The following RTTN variants were observed in gnomAD, a reference collection of about 807,000 sequenced individuals.
RTTN encodes the protein rotatin.
In RTTN, 182 loss-of-function variants were observed where a neutral mutation model predicts 269.2. That is an observed-to-expected ratio of 0.68 (90% CI 0.60 to 0.76). The LOEUF (loss-of-function observed/expected upper bound fraction) is 0.76, where lower values mean the gene tolerates loss of function less well. Ranked by LOEUF, RTTN falls within the 30% of genes least tolerant of loss-of-function variation. The probability of loss-of-function intolerance (pLI) is 0.00; values close to 1 mark genes in which losing one functional copy is unlikely to be tolerated. For synonymous variants in RTTN, 1,006 were observed against 963.5 expected, an observed-to-expected ratio of 1.04 and a Z score of -0.82; for missense variants, 2,545 against 2,608.6, an observed-to-expected ratio of 0.98 and a Z score of 0.53.
chr18:70,065,595 C>G (rs2058111186), intron 35 of RTTN, among the ~76,000 whole-genome samples: 1 of 152,150 alleles, frequency 6.6e-6, no homozygotes, highest in Non-Finnish European at 1.5e-5. Context: ...CTACGAGCGC[C>G]TAATAAGGAG....
rs58031757 is a variant in RTTN, at chr18:70,148,651, G to A, written c.2309+250C>T. 0.034 allele frequency among the ~76,000 whole-genome samples: 5,194 copies of A among 152,166 alleles called. 308 individuals are homozygous for A. Among genetic ancestry groups the A allele is most frequent in the African/African-American group, 0.12 (4,922 of 41,498 alleles). ...CAACTTGCCTAGGGCACTACTGAGC[G>A]GCACTTAGTAGCAGTCCTGTAACAC... On this transcript the variant is annotated intron_variant, in intron 17 of 48. Transcript: ENST00000640769.
At chr18:70,031,472 CA>C (rs2057010836) in intron 40 of RTTN, 1 of 396,996 alleles carries the variant, frequency 2.5e-6, no homozygotes, top group South Asian at 1.3e-4. Context: ...ATGCACCTGT[CA>C]TATAACATTT....
chr18:70,025,264 C>G (rs1054115278), intron 43 of RTTN, among the ~76,000 whole-genome samples: 2 of 152,092 alleles, frequency 1.3e-5, no homozygotes, highest in East Asian at 1.9e-4. Context: ...TTCTCTCTCT[C>G]TGTGTATGTG....
chr18:70,205,119 T>A lies in RTTN; in HGVS notation c.219+9A>T. The A allele has an allele frequency of 6.2e-7, 1 of 1,607,410 alleles. No homozygotes were observed. Among genetic ancestry groups the A allele is most frequent in the Non-Finnish European group, 8.5e-7 (1 of 1,176,292 alleles). The stretch of plus-strand genomic sequence containing the variant: ...TCTGATTATTTTCTTTATTTCAAAA[T>A]GACCCTACCTTAACCAATCTGCTTA... On this transcript the variant is annotated intron_variant, in intron 2 of 48. Coordinates refer to ENST00000640769, the MANE Select transcript of RTTN (RefSeq NM_173630.4).
intron 28 of RTTN, among the ~76,000 whole-genome samples, chr18:70,095,621 C>A (rs1397894846): frequency 6.6e-6 from 1 of 152,108 alleles, no homozygotes; most frequent in African/African-American, 2.4e-5. Context: ...ATATAGGCCC[C>A]CACTCTCTTC....
chr18:70,158,315 T>C (rs2060737362), intron 14 of RTTN, among the ~76,000 whole-genome samples: 1 of 152,028 alleles, frequency 6.6e-6, no homozygotes, highest in Non-Finnish European at 1.5e-5. Flanking sequence ...TTAAAGAAAT[T>C]CAAACCAAGT....
chr18:70,162,282 C>T (rs1464309187), intron 14 of RTTN, among the ~76,000 whole-genome samples: 1 of 152,158 alleles, frequency 6.6e-6, no homozygotes, highest in African/African-American at 2.4e-5. Context: ...CACATTCTCA[C>T]TTAGAAGTGG....
chr18:70,041,284 T>C (rs1267624455), intron 40 of RTTN, among the ~76,000 whole-genome samples: 1 of 148,820 alleles, frequency 6.7e-6, no homozygotes, highest in African/African-American at 2.5e-5. Context: ...GGGAGCAGGG[T>C]TGGGTCGGAG....
rs1375000093 is a variant in RTTN, at chr18:70,188,165, A to G, written c.1248T>C (p.Ile416=). 2 of 1,612,500 alleles carry G rather than the reference A, an allele frequency of 1.2e-6. No individual in the cohort carries two copies. Among genetic ancestry groups the G allele is most frequent in the African/African-American group, 1.3e-5 (1 of 74,914 alleles). Residue 416 remains isoleucine (I), a synonymous_variant, in exon 10 of 49, where the codon ATT becomes ATC. Transcript: ENST00000640769. The part of the protein sequence containing the change: ...LELLTEDMTL[I]GEAISTDIWD... ...AGATATCTGTTGAAATTGCTTCACC[A>G]ATAAGTGTCATATCCTCTGTAAGCA...
chr18:70,184,474 C>G (rs368553045), intron 10 of RTTN, among the ~76,000 whole-genome samples: 1 of 151,970 alleles, frequency 6.6e-6, no homozygotes, highest in Non-Finnish European at 1.5e-5. Flanking sequence ...GTCACTTGAA[C>G]CCGGGAGGCG....
rs11877427 is a variant in RTTN at position 70,053,873 on chromosome 18, G to C, written c.5185+258C>G. ...GAATAGTTAATACCCAGAACTCACT[G>C]TACTTTCTAACATCACACAGAGAGC... On this transcript the variant is annotated intron_variant, in intron 38 of 48. Transcript: ENST00000640769. 2.8e-3 allele frequency among the ~76,000 whole-genome samples: 431 copies of C among 152,302 alleles called. 5 individuals carry two copies. Among genetic ancestry groups the C allele is most frequent in the African/African-American group, 9.8e-3 (409 of 41,576 alleles).
chr18:70,127,673 C>G lies in RTTN; in HGVS notation c.3212G>C (p.Gly1071Ala), dbSNP rs753415207. 6.2e-7 allele frequency: 1 copy of G among 1,613,392 alleles called. No homozygotes were observed. Among genetic ancestry groups the G allele is most frequent in the Non-Finnish European group, 8.5e-7 (1 of 1,179,708 alleles). ...LTLKITHMAS[G>A]LQDCLHSIVQ... is the part of the protein sequence containing the mutation. Reference sequence around the variant, plus strand: ...AATGGAATGGAGGCAGTCCTGCAGCCCACTAGCCATGTGTGTTATCTTCAG... The same window carrying G: ...AATGGAATGGAGGCAGTCCTGCAGCGCACTAGCCATGTGTGTTATCTTCAG... The change falls in exon 25 of 49, where the codon GGG (glycine) becomes GCG (alanine). Residue 1071 changes from glycine (G) to alanine (A), a missense_variant. By Grantham distance (60) the Gly-to-Ala change is moderately conservative. Transcript: ENST00000640769.
intron 46 of RTTN, among the ~76,000 whole-genome samples, chr18:70,011,798 T>G (rs1185148405): frequency 2.6e-5 from 4 of 152,206 alleles, no homozygotes; most frequent in African/African-American, 9.6e-5. Context: ...CAAGGCAGGG[T>G]CTGTGAGTGT....
rs1318264983 is a variant in RTTN, at chr18:70,057,797, T to A, written c.4976A>T (p.Gln1659Leu). 1 of 1,613,876 alleles carries A rather than the reference T, an allele frequency of 6.2e-7. No individual in the cohort carries two copies. The highest frequency in any genetic ancestry group is 1.7e-5 in the Admixed American group (1 of 60,016). The stretch of plus-strand genomic sequence containing the variant: ...TGAAGGCAGCAGGGCTCTGAGTTCC[T>A]GGACACATGTCTGTATGAGGGTAGC... ...ADATLIQTCV[Q>L]ELRALLPSSP... Residue 1659 changes from glutamine (Q) to leucine (L), a missense_variant, in exon 37 of 49, where the codon CAG becomes CTG. Transcript: ENST00000640769.
chr18:70,049,969 T>A (rs1015268116), intron 39 of RTTN, among the ~76,000 whole-genome samples: 5 of 152,218 alleles, frequency 3.3e-5, no homozygotes, highest in African/African-American at 1.2e-4. Context: ...AATGTACATA[T>A]GTCAGAAAGG....
intron 7 of RTTN, among the ~76,000 whole-genome samples, chr18:70,195,434 C>G (rs2061781820): frequency 6.6e-6 from 1 of 152,178 alleles, no homozygotes; most frequent in Non-Finnish European, 1.5e-5. Context: ...CTGTCCCCAG[C>G]CTTTTAAAAT....
In RTTN at chr18:70,054,515, A is replaced by C. The variant is rs8099717; in HGVS notation, c.5032-231T>G. ...CAAACAAAGCAATGTTTTCAAAGTC[A>C]AGTTTTGAATTCCATTTAAAGAAGT... On this transcript the variant is annotated intron_variant, in intron 37 of 48. Transcript: ENST00000640769. Among the ~76,000 whole-genome samples, 120,765 of 152,110 alleles carry C rather than the reference A, an allele frequency of 0.79. 52,160 individuals carry two copies. The highest frequency in any genetic ancestry group is 1 in the East Asian group (5,171 of 5,180).
intron 19 of RTTN, 36 bp from the exon 20 acceptor site, chr18:70,140,224 A>AT (rs752173166): frequency 2.4e-6 from 3 of 1,244,914 alleles, no homozygotes; most frequent in Non-Finnish European, 3.5e-6. Context: ...GTTAAAGCAC[A>AT]TTTTTTGTAG....
Position 70,092,175 on chromosome 18 carries a change from C to A in RTTN, c.4078G>T (p.Glu1360Ter). Residue 1360 changes from glutamate (E) to a stop codon, truncating the protein, a stop_gained, in exon 30 of 49, where the codon GAA becomes TAA. Transcript: ENST00000640769. LOFTEE classifies it high-confidence loss of function. ...AATCCTTGTTGAGTAGGAATATGTT[C>A]TTCACTATGACTACCCAAAGGCAAG... ...WFLPLGSHSE[E>*]HIPTQQGLAW... The A allele has an allele frequency of 6.2e-7, 1 of 1,613,592 alleles. No individual in the cohort carries two copies. The highest frequency in any genetic ancestry group is 8.5e-7 in the Non-Finnish European group (1 of 1,179,630).
Sources: gnomAD v4.1 joint callset for allele counts (sites outside exome capture counted in the v4.1 genomes callset) on GRCh38, gnomAD v4.1.1 for gene constraint, MANE v1.5 for transcripts, NCBI Gene and HGNC (gene_info 2026-07-23, HGNC 2026-07-21) for gene names.